The following RUNX1T1 variants were observed in gnomAD, a reference collection of about 807,000 sequenced individuals.
RUNX1T1 encodes RUNX1 partner transcriptional co-repressor 1.
Under a neutral mutation model 62.8 loss-of-function variants are expected in RUNX1T1, and 4 were observed. That is an observed-to-expected ratio of 0.06 (90% CI 0.03 to 0.15). The LOEUF (loss-of-function observed/expected upper bound fraction) is 0.15. Ranked by LOEUF, RUNX1T1 falls within the 10% of genes least tolerant of loss-of-function variation. RUNX1T1 has a pLI of 1.00. For missense variants in RUNX1T1, 508 were observed against 754.3 expected (o/e 0.67, Z 3.82); for synonymous variants, 291 against 286.0 (o/e 1.02, Z -0.18).
At chr8:92,017,249 G>C (rs1219774337) in exon 2 of RUNX1T1, 2 of 1,613,554 alleles carry the variant, frequency 1.2e-6, no homozygotes, top group Non-Finnish European at 1.7e-6. Flanking sequence ...AAATGAACTG[G>C]TTCTTGGAGC....
intron 10 of RUNX1T1, among the ~76,000 whole-genome samples, chr8:91,966,729 T>A (rs1162167184): frequency 1.3e-5 from 2 of 152,154 alleles, no homozygotes; most frequent in Non-Finnish European, 1.5e-5. Context: ...ATATTCTGGG[T>A]TAAATATATA....
At chr8:92,013,235 A>G (rs1035555103) in intron 3 of RUNX1T1, among the ~76,000 whole-genome samples, 4 of 152,226 alleles carry the variant, frequency 2.6e-5, no homozygotes, top group African/African-American at 9.6e-5. Context: ...TGACAAAAGT[A>G]TCTGAAGTAT....
chr8:91,957,207 G>A (rs1651246412), downstream of RUNX1T1: 1 of 218,180 alleles, frequency 4.6e-6, no homozygotes, highest in Admixed American at 5.8e-5. Flanking sequence ...AGCAAAAAAG[G>A]AAAGTAACAA....
At chr8:92,014,633 A>G in exon 3 of RUNX1T1, 2 of 1,613,624 alleles carry the variant, frequency 1.2e-6, no homozygotes, top group Non-Finnish European at 1.7e-6. Context: ...GTGAAATGTC[A>G]TTGCCAAACT....
intron 3 of RUNX1T1, among the ~76,000 whole-genome samples, chr8:92,012,682 T>C (rs1332868806): frequency 6.6e-6 from 1 of 152,136 alleles, no homozygotes; most frequent in Non-Finnish European, 1.5e-5. Flanking sequence ...TTGGGTGGCC[T>C]TGCATATTTT....
chr8:92,008,712 A>C (rs898961243), intron 4 of RUNX1T1, among the ~76,000 whole-genome samples: 1 of 152,128 alleles, frequency 6.6e-6, no homozygotes, highest in Non-Finnish European at 1.5e-5. Context: ...TATTCAGTAC[A>C]AGAGTTGATT....
intron 2 of RUNX1T1, among the ~76,000 whole-genome samples, chr8:92,016,095 A>G (rs1028624724): frequency 6.6e-6 from 1 of 152,214 alleles, no homozygotes; most frequent in Admixed American, 6.5e-5. Flanking sequence ...TTTTTCATTC[A>G]TATGGATTTC....
At chr8:92,005,207 G>A in exon 5 of RUNX1T1, 1 of 1,614,094 alleles carries the variant, frequency 6.2e-7, no homozygotes, top group East Asian at 2.2e-5. Flanking sequence ...TCCAGAAGCA[G>A]CTGTTCATGC....
chr8:92,058,033 G>A (rs1356349183), intron 1 of RUNX1T1, among the ~76,000 whole-genome samples: 1 of 152,106 alleles, frequency 6.6e-6, no homozygotes, highest in Non-Finnish European at 1.5e-5. Context: ...ATAGGCGTTC[G>A]TGTAGCCCAT....
chr8:92,094,195 G>A (rs1265139761), intron 1 of RUNX1T1, among the ~76,000 whole-genome samples: 1 of 152,202 alleles, frequency 6.6e-6, no homozygotes, highest in African/African-American at 2.4e-5. Context: ...TCGATCTGCT[G>A]CTGTCAACAA....
chr8:92,086,434 T>G (rs1836134114), intron 1 of RUNX1T1, among the ~76,000 whole-genome samples: 1 of 152,168 alleles, frequency 6.6e-6, no homozygotes, highest in Admixed American at 6.5e-5. Context: ...AAAGAAGAGT[T>G]TGAAATCTGT....
Position 92,034,690 on chromosome 8 carries a change from G to GTGTA in RUNX1T1, c.8-17328_8-17327insTACA, listed in dbSNP as rs376488289. Among the ~76,000 whole-genome samples the GTGTA allele has an allele frequency of 1.3e-4, 19 of 148,380 alleles. 1 individual carries two copies. Among genetic ancestry groups the GTGTA allele is most frequent in the African/African-American group, 4.8e-4 (19 of 39,762 alleles). ...TATATATGTGTGTGTGTGTGTGTGTGTATACATGTATACATATATATACAC... is the reference window on the plus strand; with the variant it reads ...TATATATGTGTGTGTGTGTGTGTGTGTGTATATACATGTATACATATATATACAC... On this transcript the variant is annotated intron_variant, in intron 1 of 10. Transcript: ENST00000396218.
chr8:91,997,302 A>G (rs1192660037), intron 5 of RUNX1T1, among the ~76,000 whole-genome samples: 1 of 152,170 alleles, frequency 6.6e-6, no homozygotes, highest in Non-Finnish European at 1.5e-5. Context: ...CATAAGTAGA[A>G]CAAGAGGACA....
At chr8:92,071,688 G>C (rs1424784194) in intron 2 of RUNX1T1, among the ~76,000 whole-genome samples, 1 of 152,126 alleles carries the variant, frequency 6.6e-6, no homozygotes, top group Admixed American at 6.5e-5. Flanking sequence ...CAGGATGTCA[G>C]AGCGCCAGGC....
exon 7 of RUNX1T1, chr8:91,986,957 C>T (rs765057325): frequency 1.2e-5 from 20 of 1,610,882 alleles, no homozygotes; most frequent in Admixed American, 3.3e-5. Context: ...TTCTTCTTGA[C>T]GTGTGCCATG....
At chr8:92,079,510 C>T (rs1288501612) in intron 1 of RUNX1T1, among the ~76,000 whole-genome samples, 1 of 152,148 alleles carries the variant, frequency 6.6e-6, no homozygotes, top group East Asian at 1.9e-4. Flanking sequence ...ACTCAACTTC[C>T]AACAGGAAGT....
intron 1 of RUNX1T1, chr8:92,095,777 A>G: frequency 2.8e-6 from 1 of 351,032 alleles, no homozygotes. Context: ...GAGGCAGGCT[A>G]GAAGTCGCCT....
chr8:92,071,691 C>T (rs569677903), intron 2 of RUNX1T1, among the ~76,000 whole-genome samples: 18 of 152,240 alleles, frequency 1.2e-4, no homozygotes, highest in African/African-American at 3.9e-4. Flanking sequence ...GATGTCAGAG[C>T]GCCAGGCGGC....
At chr8:91,982,254 A>C (rs1016988755) in intron 8 of RUNX1T1, among the ~76,000 whole-genome samples, 4 of 151,716 alleles carry the variant, frequency 2.6e-5, no homozygotes, top group African/African-American at 9.7e-5. Flanking sequence ...AAAAAAAAAA[A>C]AATTAACCCT....
Sources: gnomAD v4.1 joint callset for allele counts (sites outside exome capture counted in the v4.1 genomes callset) on GRCh38, gnomAD v4.1.1 for gene constraint, MANE v1.5 for transcripts, NCBI Gene and HGNC (gene_info 2026-07-23, HGNC 2026-07-21) for gene names.